Variants in SV2C observed in about 807,000 individuals in gnomAD.
SV2C encodes synaptic vesicle glycoprotein 2C.
Under a neutral mutation model 79.7 loss-of-function variants are expected in SV2C, and 49 were observed. The observed-to-expected ratio is 0.61, with a 90% confidence interval of 0.49 to 0.78. SV2C has a LOEUF of 0.78. SV2C is among the 30% of genes least tolerant of loss of function. The pLI is 0.00. For synonymous variants in SV2C, 334 were observed against 333.2 expected (o/e 1.00, Z -0.03); for missense variants, 833 against 912.9 (o/e 0.91, Z 1.13).
At chr5:76,119,877 G>C (rs1404932816) in intron 1 of SV2C, among the ~76,000 whole-genome samples, 1 of 152,146 alleles carries the variant, frequency 6.6e-6, no homozygotes, top group Non-Finnish European at 1.5e-5. Context: ...CGATGAAAGA[G>C]ATTTTATTTT....
the SV2C span, among the ~76,000 whole-genome samples, chr5:76,071,263 GT>G: frequency 6.6e-6 from 1 of 152,304 alleles, no homozygotes; most frequent in East Asian, 1.9e-4. Context: ...AGTCATAAAA[GT>G]GTGATTTGCA....
chr5:75,986,849 G>A, the SV2C span, among the ~76,000 whole-genome samples: 10 of 152,086 alleles, frequency 6.6e-5, no homozygotes, highest in African/African-American at 2.2e-4. Flanking sequence ...TTCGCAGATA[G>A]AGATACTGTC....
chr5:75,917,181 G>A, the SV2C span, among the ~76,000 whole-genome samples: 1 of 152,182 alleles, frequency 6.6e-6, no homozygotes, highest in South Asian at 2.1e-4. Flanking sequence ...GCTTCTAGGA[G>A]AATCCAAATT....
intron 4 of SV2C, among the ~76,000 whole-genome samples, chr5:76,212,307 A>T (rs1055713000): frequency 6.6e-6 from 1 of 152,092 alleles, no homozygotes; most frequent in Non-Finnish European, 1.5e-5. Context: ...CTGCTAGTCT[A>T]TCCATTCATA....
downstream of SV2C, among the ~76,000 whole-genome samples, chr5:76,338,785 G>A (rs892805361): frequency 8.6e-5 from 13 of 151,530 alleles, no homozygotes; most frequent in Middle Eastern, 3.4e-3. Context: ...AGCCTCCCGA[G>A]TAGCTGGGAT....
At chr5:75,927,367 A>G in the SV2C span, among the ~76,000 whole-genome samples, 1 of 152,104 alleles carries the variant, frequency 6.6e-6, no homozygotes, top group African/African-American at 2.4e-5. Context: ...AACCTAGAGG[A>G]CATTATGCTA....
chr5:75,997,757 T>C, the SV2C span, among the ~76,000 whole-genome samples: 2 of 152,180 alleles, frequency 1.3e-5, no homozygotes, highest in Admixed American at 1.3e-4. Context: ...TGTAAACTAG[T>C]TCAACCATTG....
chr5:75,909,823 T>C, the SV2C span, among the ~76,000 whole-genome samples: 1 of 152,234 alleles, frequency 6.6e-6, no homozygotes, highest in African/African-American at 2.4e-5. Flanking sequence ...TGTACCTATT[T>C]GCCCATCCTC....
the SV2C span, among the ~76,000 whole-genome samples, chr5:76,056,550 C>T: frequency 6.6e-6 from 1 of 150,456 alleles, no homozygotes; most frequent in African/African-American, 2.4e-5. Flanking sequence ...TGTTTAGTTT[C>T]AGAAAGAATG....
the SV2C span, among the ~76,000 whole-genome samples, chr5:75,942,046 T>C: frequency 6.6e-6 from 1 of 152,124 alleles, no homozygotes; most frequent in Admixed American, 6.5e-5. Flanking sequence ...TCCAATGAAT[T>C]CTCTATAAAA....
chr5:75,852,837 A>AAAG, the SV2C span, among the ~76,000 whole-genome samples: 11 of 145,598 alleles, frequency 7.6e-5, no homozygotes, highest in Admixed American at 2.7e-4. Context: ...AAAAAAAAAA[A>AAAG]AAAAAAGAAA....
At chr5:76,104,129 C>T (rs550540277) in intron 1 of SV2C, among the ~76,000 whole-genome samples, 3 of 152,294 alleles carry the variant, frequency 2.0e-5, no homozygotes, top group African/African-American at 7.2e-5. Flanking sequence ...AGAGGAGTGA[C>T]AGGATATATG....
the SV2C span, among the ~76,000 whole-genome samples, chr5:75,922,348 T>C: frequency 3.3e-5 from 5 of 152,006 alleles, no homozygotes; most frequent in Non-Finnish European, 7.4e-5. Flanking sequence ...ACAAGACAAA[T>C]AAGTGTAAGT....
the SV2C span, among the ~76,000 whole-genome samples, chr5:76,052,399 G>T: frequency 2.0e-5 from 3 of 152,160 alleles, no homozygotes; most frequent in Admixed American, 2.0e-4. Context: ...CTATAACAGA[G>T]AGACAAATAA....
the SV2C span, among the ~76,000 whole-genome samples, chr5:75,863,774 T>C: frequency 6.6e-6 from 1 of 152,228 alleles, no homozygotes; most frequent in Non-Finnish European, 1.5e-5. Context: ...AGATTTTGTG[T>C]CCAAATATCA....
chr5:76,041,489 A>C, the SV2C span, among the ~76,000 whole-genome samples: 1 of 152,308 alleles, frequency 6.6e-6, no homozygotes, highest in South Asian at 2.1e-4. Context: ...CTAGAGAAGA[A>C]GGACCCAGGT....
chr5:76,313,246 A>AT (rs1748515981), intron 12 of SV2C, among the ~76,000 whole-genome samples: 1 of 152,186 alleles, frequency 6.6e-6, no homozygotes, highest in South Asian at 2.1e-4. Context: ...ATTTGTGAAG[A>AT]TTTTGGTACA....
At chr5:76,145,327 T>G (rs1418308078) in intron 2 of SV2C, among the ~76,000 whole-genome samples, 1 of 152,252 alleles carries the variant, frequency 6.6e-6, no homozygotes, top group Non-Finnish European at 1.5e-5. Flanking sequence ...TCTAAGAGAC[T>G]AAGATTTTGT....
downstream of SV2C, chr5:76,334,058 T>C (rs1749260335): frequency 6.6e-6 from 1 of 152,184 alleles, no homozygotes; most frequent in Non-Finnish European, 1.5e-5. Context: ...GTTTCTCCAA[T>C]TCAGGTTTAT....
Sources: allele counts gnomAD v4.1 joint callset (sites outside exome capture counted in the v4.1 genomes callset), GRCh38; gene constraint gnomAD v4.1.1; transcripts MANE v1.5; gene names NCBI Gene and HGNC (gene_info 2026-07-23, HGNC 2026-07-21).